The following NCOR2 variants were observed in gnomAD, a reference collection of about 807,000 sequenced individuals.
The protein encoded by NCOR2 is CTG repeat protein 26.
Under a neutral mutation model 262.9 loss-of-function variants are expected in NCOR2, and 81 were observed. The ratio of observed to expected loss-of-function variants is 0.31; its 90% confidence interval spans 0.26 to 0.37. NCOR2 has a LOEUF of 0.37. Ranked by LOEUF, NCOR2 falls within the 10% of genes least tolerant of loss-of-function variation. NCOR2 has a pLI of 1.00. For missense variants in NCOR2, 3,385 were observed against 3,621.4 expected (o/e 0.93, Z 1.68); for synonymous variants, 1,659 against 1,559.3 (o/e 1.06, Z -1.51).
chr12:124,529,777 G>A (rs2050687806), intron 1 of NCOR2: 1 of 152,248 alleles, frequency 6.6e-6, no homozygotes, highest in Non-Finnish European at 1.5e-5. Flanking sequence ...GTGCATTAGG[G>A]TCTCCTGGAA....
intron 1 of NCOR2, among the ~76,000 whole-genome samples, chr12:124,516,089 G>A (rs186221800): frequency 3.3e-5 from 5 of 152,326 alleles, no homozygotes; most frequent in African/African-American, 1.2e-4. Flanking sequence ...CCATTCTCGA[G>A]GTCCCAGGAG....
At position 124,357,038 on chromosome 12, in the gene NCOR2, G is replaced by A. The variant is rs550158141; in HGVS notation, c.3101-256C>T. ...CTCAGCTGCCGCTGAGGACGAGAAC[G>A]GGACCCTCTGGCTTTGCAACCCCAC... On this transcript the variant is annotated intron_variant, in intron 22 of 46. Transcript: ENST00000405201. Among the ~76,000 whole-genome samples the A allele has an allele frequency of 5.9e-5, 9 of 152,342 alleles. No homozygotes were observed. The South Asian group carries it at 1.7e-3, about 28-fold the overall frequency.
At chr12:124,518,936 G>A (rs574384361) in intron 1 of NCOR2, among the ~76,000 whole-genome samples, 18 of 152,272 alleles carry the variant, frequency 1.2e-4, no homozygotes, top group South Asian at 4.1e-4. Context: ...CCTCTGTCCC[G>A]AGGGCCAGAT....
chr12:124,565,851 G>A (rs987028816), intron 1 of NCOR2, among the ~76,000 whole-genome samples: 1 of 152,126 alleles, frequency 6.6e-6, no homozygotes. Context: ...CAAACCCCAG[G>A]AGCTGAGGTG....
chr12:124,476,633 A>G (rs986059093), intron 3 of NCOR2, among the ~76,000 whole-genome samples: 1 of 152,226 alleles, frequency 6.6e-6, no homozygotes, highest in African/African-American at 2.4e-5. Flanking sequence ...CACTAGCAAC[A>G]CTTGGAAAAG....
intron 31 of NCOR2, 49 bp downstream of exon 33, chr12:124,346,515 C>CA: frequency 1.4e-6 from 2 of 1,454,372 alleles, no homozygotes; most frequent in Non-Finnish European, 1.8e-6. Context: ...CCCACAGCCA[C>CA]CGCCACCCCT....
At chr12:124,498,556 A>G (rs1250258140), upstream of NCOR2, among the ~76,000 whole-genome samples, 1 of 152,112 alleles carries the variant, frequency 6.6e-6, no homozygotes, top group African/African-American at 2.4e-5. Context: ...TCCCGACCTG[A>G]GCCACGTTTC....
In NCOR2 at chr12:124,432,906, C is replaced by T. The variant is rs995994083; in HGVS notation, c.883-2119G>A. Among the ~76,000 whole-genome samples the T allele has an allele frequency of 2.0e-5, 3 of 152,148 alleles. No individual in the cohort carries two copies. Among genetic ancestry groups the T allele is most frequent in the Non-Finnish European group, 2.9e-5 (2 of 68,018 alleles). On this transcript the variant is annotated intron_variant, in intron 8 of 46. Transcript: ENST00000405201. This position sits in a 1 kb window ranked among gnomAD's most constrained non-coding sequence, Gnocchi z 5.1. ...GGGAAGGGGACGCAGGGCGAGCCAC[C>T]CACACAACCCCAGTTACTCCACCTC...
Position 124,388,881 on chromosome 12 carries a change from G to GGAGGGAGGGAGC in NCOR2, c.1877-2995_1877-2994insGCTCCCTCCCTC, listed in dbSNP as rs1555215310. On this transcript the variant is annotated intron_variant, in intron 16 of 46. Transcript: ENST00000405201. Reference sequence around the variant, plus strand: ...GTCCCACGGTGAGGGAGGGAGGGAGGGAGGGAGGGAGGGAGCGAGGGAGGG... The same window carrying GGAGGGAGGGAGC: ...GTCCCACGGTGAGGGAGGGAGGGAGGGAGGGAGGGAGCGAGGGAGGGAGGGAGCGAGGGAGGG... The GGAGGGAGGGAGC allele has an allele frequency of 9.0e-5, 72 of 800,160 alleles. 1 individual carries two copies. The highest frequency in any genetic ancestry group is 4.2e-4 in the African/African-American group (20 of 47,450). The allele number at this position is 800,160 out of a possible 1,614,324, so 49.6% of individuals were successfully genotyped here.
intron 17 of NCOR2, among the ~76,000 whole-genome samples, chr12:124,379,366 T>G (rs2040248582): frequency 1.3e-5 from 2 of 151,856 alleles, no homozygotes; most frequent in South Asian, 4.1e-4. Flanking sequence ...GGGGTGGGTG[T>G]CTCTTTGTCC....
chr12:124,360,276 G>A (rs1053670346), intron 22 of NCOR2, among the ~76,000 whole-genome samples: 6 of 152,216 alleles, frequency 3.9e-5, no homozygotes, highest in Admixed American at 1.3e-4. Flanking sequence ...GCCCAGCCCT[G>A]GTCATGGGGC....
exon 33 of NCOR2, chr12:124,343,028 G>C: frequency 6.2e-7 from 1 of 1,611,468 alleles, no homozygotes; most frequent in Non-Finnish European, 8.5e-7. Flanking sequence ...GATGCCGCGG[G>C]GTATGGAGGT....
chr12:124,415,524 G>T (rs1361348868), intron 13 of NCOR2, among the ~76,000 whole-genome samples: 3 of 152,228 alleles, frequency 2.0e-5, no homozygotes, highest in African/African-American at 4.8e-5. Context: ...GGGGTGGCAG[G>T]GCCCAGGCCA....
intron 1 of NCOR2, among the ~76,000 whole-genome samples, chr12:124,492,162 C>T (rs976345499): frequency 2.0e-5 from 3 of 152,358 alleles, no homozygotes; most frequent in South Asian, 2.1e-4. Context: ...TCGGCATCCA[C>T]GGTCCTGTGG....
At chr12:124,347,959 C>T (rs778194943) in intron 29 of NCOR2, 48 bp from the exon 32 acceptor site, 18 of 1,533,990 alleles carry the variant, frequency 1.2e-5, no homozygotes, top group Middle Eastern at 1.7e-4. Flanking sequence ...CCTGAGCCGA[C>T]ACTGGGCAGT....
intron 10 of NCOR2, among the ~76,000 whole-genome samples, chr12:124,428,044 A>AGTGTGTGT (rs55965573): frequency 0.038 from 4,316 of 112,422 alleles, 248 homozygotes; most frequent in South Asian, 0.095. Context: ...CCATGTGGCC[A>AGTGTGTGT]GTGTGTGTGT....
intron 8 of NCOR2, among the ~76,000 whole-genome samples, chr12:124,433,871 C>A (rs71446208): frequency 1.4e-3 from 39 of 28,242 alleles, no homozygotes; most frequent in Non-Finnish European, 2.7e-3. Context: ...CACACACACA[C>A]ACACACACAC....
At chr12:124,480,569 C>T (rs1024259474) in intron 3 of NCOR2, among the ~76,000 whole-genome samples, 1 of 152,124 alleles carries the variant, frequency 6.6e-6, no homozygotes, top group Non-Finnish European at 1.5e-5. Flanking sequence ...TTAATCTGTG[C>T]ACATCCTCAC....
intron 16 of NCOR2, among the ~76,000 whole-genome samples, chr12:124,393,701 T>C (rs142050957): frequency 6.9e-4 from 105 of 152,378 alleles, no homozygotes; most frequent in African/African-American, 2.4e-3. Context: ...ATCCCAGCTC[T>C]ACCACTTCAC....
Sources: allele counts gnomAD v4.1 joint callset (sites outside exome capture counted in the v4.1 genomes callset), GRCh38; gene constraint gnomAD v4.1.1; non-coding constraint Gnocchi (gnomAD v3.1); transcripts MANE v1.5; gene names NCBI Gene and HGNC (gene_info 2026-07-23, HGNC 2026-07-21).